The following PDGFD variants were observed in gnomAD, a reference collection of about 807,000 sequenced individuals.
PDGFD encodes platelet derived growth factor D, also known as platelet-derived growth factor D.
A neutral mutation model predicts 44.7 loss-of-function variants in PDGFD; 30 were observed. That is an observed-to-expected ratio of 0.67 (90% CI 0.50 to 0.91). PDGFD has a LOEUF of 0.91. Ranked by LOEUF, PDGFD falls within the 40% of genes least tolerant of loss-of-function variation. PDGFD has a pLI of 0.00. For synonymous variants in PDGFD, 173 were observed against 168.4 expected (o/e 1.03, Z -0.21); for missense variants, 445 against 457.8 (o/e 0.97, Z 0.25).
chr11:104,063,319 TGAGAGAGAGAGGAGA>T (rs892989700), intron 1 of PDGFD, among the ~76,000 whole-genome samples: 22 of 151,032 alleles, frequency 1.5e-4, no homozygotes, highest in Non-Finnish European at 2.2e-4. Context: ...TGTGTGTGTG[TGAGAGAGAGAGGAGA>T]GAGAGAGAGA....
chr11:104,000,073 C>T lies in PDGFD; in HGVS notation c.307G>A (p.Glu103Lys). ...TACCTACAGATATCATTTTCTGCTT[C>T]CTCTAATCCAAACTGATTGTCAAAC... is the stretch of plus-strand genomic sequence containing the variant. ...LVFDNQFGLE[E>K]AENDICRYDF... Residue 103 changes from glutamate (E) to lysine (K), a missense_variant, in exon 2 of 7, where the codon GAA (glutamate) becomes AAA (lysine). Transcript: ENST00000393158. 6.2e-7 allele frequency: 1 copy of T among 1,614,072 alleles called. No homozygotes were observed. Among genetic ancestry groups the T allele is most frequent in the Non-Finnish European group, 8.5e-7 (1 of 1,179,990 alleles).
intron 1 of PDGFD, among the ~76,000 whole-genome samples, chr11:104,141,535 A>G (rs144025149): frequency 1.6e-3 from 250 of 152,228 alleles, no homozygotes; most frequent in African/African-American, 5.4e-3. Context: ...CCTTAGCTCA[A>G]GAAATCCTCT....
chr11:104,059,668 G>C (rs1860680695), intron 1 of PDGFD, among the ~76,000 whole-genome samples: 1 of 152,092 alleles, frequency 6.6e-6, no homozygotes, highest in African/African-American at 2.4e-5. Context: ...GTCTGCCTAA[G>C]GAACAACTAA....
rs141169895 is a variant in PDGFD at position 104,161,484 on chromosome 11, A to G, written c.124+2320T>C. ...TCCCAAGTGTTGTCTAGAATTTTTCATAGCCCCATTATTCTTACTCTTTCA... is the reference window on the plus strand; with the variant it reads ...TCCCAAGTGTTGTCTAGAATTTTTCGTAGCCCCATTATTCTTACTCTTTCA... On this transcript the variant is annotated intron_variant, in intron 1 of 6. Transcript: ENST00000393158. 9.8e-5 allele frequency among the ~76,000 whole-genome samples: 15 copies of G among 152,328 alleles called. No individual in the cohort carries two copies. In the East Asian group the frequency reaches 2.9e-3, roughly 29 times the overall value.
intron 1 of PDGFD, among the ~76,000 whole-genome samples, chr11:104,040,397 TATTG>T (rs1288969184): frequency 5.9e-5 from 9 of 152,268 alleles, no homozygotes; most frequent in South Asian, 4.1e-4. Flanking sequence ...GCAATGCCTT[TATTG>T]ATTAACTTTT....
Position 104,119,055 on chromosome 11 carries a change from A to ATTATATAATATG in PDGFD, c.124+44748_124+44749insCATATTATATAA, listed in dbSNP as rs1861699428. Among the ~76,000 whole-genome samples, 2 of 82,412 alleles carry ATTATATAATATG rather than the reference A, an allele frequency of 2.4e-5. 1 individual carries two copies. Among genetic ancestry groups the ATTATATAATATG allele is most frequent in the Non-Finnish European group, 4.1e-5 (2 of 48,704 alleles). The allele number at this position is 82,412 out of a possible 152,430, so 54.1% of individuals were successfully genotyped here. A position where few individuals can be genotyped will look rare whatever the true frequency, so the allele number is the denominator to read the frequency against. On this transcript the variant is annotated intron_variant, in intron 1 of 6. Coordinates refer to ENST00000393158, the MANE Select transcript of PDGFD (RefSeq NM_025208.5). ...GATATAATATATAATATATTGATAT[A>ATTATATAATATG]TTAATATAATATATTGGTATAATAT...
rs1857996764 is a variant in PDGFD at position 103,909,627 on chromosome 11, GTC to G, written c.*65_*66del. The G allele has an allele frequency of 1.6e-5, 25 of 1,584,874 alleles. No individual in the cohort carries two copies. In the South Asian group the frequency reaches 2.8e-4, roughly 18 times the overall value. ...AAGTTTGGTTGCTGGTAGGAAAAGG[GTC>G]TCTTATCTCACCCTCCTTAAACTAA... is the stretch of plus-strand genomic sequence containing the variant. On this transcript the variant is annotated 3_prime_UTR_variant, in exon 7 of 7. Transcript: ENST00000393158.
chr11:103,948,970 C>T (rs1014583174), intron 3 of PDGFD, among the ~76,000 whole-genome samples: 3 of 117,140 alleles, frequency 2.6e-5, no homozygotes, highest in Non-Finnish European at 5.2e-5. Context: ...AGAAAGAAAC[C>T]GACTAGACAT....
chr11:104,037,313 A>G (rs145186645), intron 1 of PDGFD: 1 of 1,613,480 alleles, frequency 6.2e-7, no homozygotes, highest in African/African-American at 1.3e-5. Flanking sequence ...AAGGAACGCA[A>G]CCCTCCCTTG....
chr11:103,943,162 C>T (rs144588222), intron 5 of PDGFD, among the ~76,000 whole-genome samples: 49 of 152,208 alleles, frequency 3.2e-4, no homozygotes, highest in African/African-American at 1.1e-3. Flanking sequence ...CTCATTATTA[C>T]AGGTTATGTC....
intron 3 of PDGFD, among the ~76,000 whole-genome samples, chr11:103,965,371 G>C (rs1173820238): frequency 6.6e-6 from 1 of 152,172 alleles, no homozygotes; most frequent in Non-Finnish European, 1.5e-5. Flanking sequence ...CTCGTTAATA[G>C]TTGTACAAAA....
At chr11:104,151,425 T>G (rs1472189742) in intron 1 of PDGFD, among the ~76,000 whole-genome samples, 1 of 152,160 alleles carries the variant, frequency 6.6e-6, no homozygotes, top group Non-Finnish European at 1.5e-5. Context: ...TAATACAGAA[T>G]AGAATTGTTG....
intron 3 of PDGFD, among the ~76,000 whole-genome samples, chr11:103,948,552 C>G (rs1044813444): frequency 4.6e-5 from 7 of 152,188 alleles, no homozygotes; most frequent in Non-Finnish European, 7.3e-5. Context: ...GTCATTTTTA[C>G]AATCCACAGA....
At chr11:104,096,100 T>C (rs2090332521) in intron 1 of PDGFD, among the ~76,000 whole-genome samples, 1 of 152,222 alleles carries the variant, frequency 6.6e-6, no homozygotes, top group South Asian at 2.1e-4. Flanking sequence ...ATTATTACAG[T>C]AAAATTTTCT....
chr11:103,972,869 T>C (rs943709913), intron 3 of PDGFD, among the ~76,000 whole-genome samples: 1 of 152,210 alleles, frequency 6.6e-6, no homozygotes, highest in Non-Finnish European at 1.5e-5. Flanking sequence ...CCAGTTTTTG[T>C]CTGTCTAGTT....
chr11:103,926,571 T>C (rs1268655981), intron 6 of PDGFD, among the ~76,000 whole-genome samples: 1 of 152,244 alleles, frequency 6.6e-6, no homozygotes, highest in East Asian at 1.9e-4. Flanking sequence ...ATCCTGTAAA[T>C]GAATAACATC....
intron 1 of PDGFD, among the ~76,000 whole-genome samples, chr11:104,142,841 T>TGTAGGCTGTGGTAGTGCATGTCC (rs1325961602): frequency 3.3e-5 from 5 of 152,176 alleles, no homozygotes; most frequent in African/African-American, 1.2e-4. Flanking sequence ...GGGGCAATGA[T>TGTAGGCTGTGGTAGTGCATGTCC]GTAGGCTGTG....
chr11:103,918,783 A>G (rs1447603479), intron 6 of PDGFD, among the ~76,000 whole-genome samples: 1 of 152,216 alleles, frequency 6.6e-6, no homozygotes, highest in African/African-American at 2.4e-5. Flanking sequence ...CTTTCAGATC[A>G]TGTAATAGTC....
intron 3 of PDGFD, among the ~76,000 whole-genome samples, chr11:103,976,159 T>A (rs977232304): frequency 6.6e-6 from 1 of 152,306 alleles, no homozygotes; most frequent in South Asian, 2.1e-4. Flanking sequence ...GTTTGTGTCT[T>A]CTCTTATTTC....
Sources: gnomAD v4.1 joint callset for allele counts (sites outside exome capture counted in the v4.1 genomes callset) on GRCh38, gnomAD v4.1.1 for gene constraint, MANE v1.5 for transcripts, NCBI Gene and HGNC (gene_info 2026-07-23, HGNC 2026-07-21) for gene names.